ALKBH8: variants seen among roughly 807,000 people sequenced by gnomAD.
ALKBH8 encodes the protein alkB homolog 8, tRNA methyltransferase.
ALKBH8 carries 36 observed loss-of-function variants against 59.8 expected under a neutral mutation model. That is an observed-to-expected ratio of 0.60 (90% confidence interval 0.46 to 0.79). The LOEUF (loss-of-function observed/expected upper bound fraction) is 0.79, where lower values mean the gene tolerates loss of function less well. Among genes scored for constraint, ALKBH8 ranks in the 30% least tolerant of loss-of-function variants. The probability of loss-of-function intolerance (pLI) is 0.00; values close to 1 mark genes in which losing one functional copy is unlikely to be tolerated. For missense variants in ALKBH8, 768 were observed against 801.0 expected, an observed-to-expected ratio of 0.96 and a Z score of 0.50; for synonymous variants, 276 against 273.6, an observed-to-expected ratio of 1.01 and a Z score of -0.09.
intron 7 of ALKBH8, among the ~76,000 whole-genome samples, chr11:107,540,838 T>C (rs766479237): frequency 2.6e-5 from 4 of 152,240 alleles, no homozygotes; most frequent in African/African-American, 4.8e-5. Flanking sequence ...AATTGTATCT[T>C]TGTTTACTTG....
chr11:107,538,029 A>T (rs1189515084), intron 7 of ALKBH8, among the ~76,000 whole-genome samples: 2 of 151,326 alleles, frequency 1.3e-5, no homozygotes, highest in Non-Finnish European at 3.0e-5. Flanking sequence ...GAAGTTCTGA[A>T]TTTTTTTTTA....
intron 9 of ALKBH8, among the ~76,000 whole-genome samples, chr11:107,523,588 T>A (rs921678750): frequency 2.2e-4 from 32 of 144,552 alleles, no homozygotes; most frequent in African/African-American, 7.9e-4. Flanking sequence ...TGAAAATCAC[T>A]ATGAGAATAA....
chr11:107,525,505 TA>T lies in ALKBH8; in HGVS notation c.965del (p.Leu322Ter). 2 of 1,543,052 alleles carry T rather than the reference TA, an allele frequency of 1.3e-6. No homozygotes were observed. The highest frequency in any genetic ancestry group is 1.7e-6 in the Non-Finnish European group (2 of 1,143,318). On this transcript the variant is annotated frameshift_variant, in exon 9 of 12. Transcript: ENST00000428149. LOFTEE classifies it high-confidence loss of function. ...ATGATGTTCGTAGTCCCCTCTTGCT[TA>T]AAGTTAAGTCTCCAACATCACTGGT... ...IITSDVGDLT[L>X]SKRGLRTSFT...
intron 10 of ALKBH8, among the ~76,000 whole-genome samples, chr11:107,515,872 T>A (rs1322691529): frequency 2.6e-5 from 4 of 152,166 alleles, no homozygotes; most frequent in African/African-American, 9.7e-5. Flanking sequence ...AAAATACAAA[T>A]TGGCTCAACC....
chr11:107,548,442 A>T (rs1184902879), intron 7 of ALKBH8, among the ~76,000 whole-genome samples: 1 of 152,250 alleles, frequency 6.6e-6, no homozygotes, highest in Non-Finnish European at 1.5e-5. Context: ...TTGGTTACAC[A>T]GTTGGGAGGA....
At chr11:107,516,110 A>G (rs1031356796) in intron 10 of ALKBH8, among the ~76,000 whole-genome samples, 6 of 152,212 alleles carry the variant, frequency 3.9e-5, no homozygotes, top group African/African-American at 1.4e-4. Flanking sequence ...GTTAGGTACT[A>G]TTTTCACCAC....
At chr11:107,525,387 A>G in intron 9 of ALKBH8, 54 bp downstream of exon 9, 1 of 1,466,870 alleles carries the variant, frequency 6.8e-7, no homozygotes, top group South Asian at 1.4e-5. Context: ...ACCTTAAAGG[A>G]CTTTTATATT....
chr11:107,544,096 T>C (rs1864155322), intron 7 of ALKBH8, among the ~76,000 whole-genome samples: 1 of 152,252 alleles, frequency 6.6e-6, no homozygotes, highest in African/African-American at 2.4e-5. Flanking sequence ...ACTGTAGTTT[T>C]CTGAACTCTA....
At chr11:107,531,908 T>C (rs752514859) in intron 8 of ALKBH8, among the ~76,000 whole-genome samples, 1 of 152,182 alleles carries the variant, frequency 6.6e-6, no homozygotes, top group Non-Finnish European at 1.5e-5. Flanking sequence ...ATCCCTGACA[T>C]ACACAATGTC....
chr11:107,555,143 T>C (rs1386797096), intron 3 of ALKBH8, among the ~76,000 whole-genome samples: 2 of 151,872 alleles, frequency 1.3e-5, no homozygotes, highest in African/African-American at 4.8e-5. Context: ...ACCTGTAGTC[T>C]CAGCTTCTCG....
intron 7 of ALKBH8, among the ~76,000 whole-genome samples, chr11:107,535,004 T>C (rs923321584): frequency 3.3e-5 from 5 of 152,210 alleles, no homozygotes; most frequent in African/African-American, 9.7e-5. Context: ...GAACATACAA[T>C]GTTTGGTTTT....
At chr11:107,546,837 A>T (rs1395915499) in intron 7 of ALKBH8, among the ~76,000 whole-genome samples, 1 of 152,216 alleles carries the variant, frequency 6.6e-6, no homozygotes, top group Non-Finnish European at 1.5e-5. Context: ...TAAAATGTAC[A>T]CTATTTTTAG....
In ALKBH8 at chr11:107,556,947, G is replaced by A. The variant is rs758262169; in HGVS notation, c.186C>T (p.Leu62=). The A allele has an allele frequency of 9.4e-5, 152 of 1,610,734 alleles. No homozygotes were observed. In the Middle Eastern group the frequency reaches 1.3e-3, roughly 14 times the overall value. ...LGNGVSRNQL[L]PVLEKCGLVD... is the part of the protein sequence containing the mutation. Reference sequence around the variant, plus strand: ...CCAGTCCACATTTCTCTAAAACCGGGAGCAGCTGGTTCCGACTCACACCAT... The same window carrying A: ...CCAGTCCACATTTCTCTAAAACCGGAAGCAGCTGGTTCCGACTCACACCAT... The change falls in exon 3 of 12, where the codon CTC becomes CTT. Residue 62 remains leucine, a synonymous_variant. Coordinates refer to ENST00000428149, the MANE Select transcript of ALKBH8 (RefSeq NM_138775.3).
chr11:107,558,818 AT>A (rs928850244), intron 2 of ALKBH8, among the ~76,000 whole-genome samples: 2 of 152,108 alleles, frequency 1.3e-5, no homozygotes, highest in Admixed American at 6.6e-5. Context: ...GAGAATGTGA[AT>A]TTTTTTTAAG....
Position 107,551,801 on chromosome 11 carries a change from T to C in ALKBH8, c.700+7A>G, listed in dbSNP as rs756412100. On this transcript the variant is annotated splice_region_variant and intron_variant, in intron 6 of 11. Coordinates refer to ENST00000428149, the MANE Select transcript of ALKBH8 (RefSeq NM_138775.3). ...GTGACTAAAATTTTTGAACAAGAAATACTCACCTTGCCCAGGTTCATACTG... is the reference window on the plus strand; with the variant it reads ...GTGACTAAAATTTTTGAACAAGAAACACTCACCTTGCCCAGGTTCATACTG... 5.2e-6 allele frequency: 8 copies of C among 1,526,240 alleles called. No individual in the cohort carries two copies. The East Asian group carries it at 2.1e-4, about 40-fold the overall frequency. 94.5% of individuals were successfully genotyped at this position (1,526,240 alleles called of 1,614,324 possible).
At chr11:107,547,228 G>A (rs963062416) in intron 7 of ALKBH8, among the ~76,000 whole-genome samples, 1 of 152,158 alleles carries the variant, frequency 6.6e-6, no homozygotes, top group South Asian at 2.1e-4. Context: ...AAAGAAATAG[G>A]GCCAAAGGTA....
intron 7 of ALKBH8, among the ~76,000 whole-genome samples, chr11:107,539,006 C>A (rs994338654): frequency 6.6e-6 from 1 of 152,220 alleles, no homozygotes; most frequent in Non-Finnish European, 1.5e-5. Flanking sequence ...CTGTTTCCCA[C>A]AGTCTACCAA....
intron 11 of ALKBH8, among the ~76,000 whole-genome samples, chr11:107,509,163 C>T (rs923112904): frequency 6.6e-6 from 1 of 152,158 alleles, no homozygotes; most frequent in Admixed American, 6.5e-5. Flanking sequence ...CACATCCTTG[C>T]CAACACTTGT....
chr11:107,552,297 A>C (rs1360772045), intron 5 of ALKBH8, among the ~76,000 whole-genome samples: 1 of 152,014 alleles, frequency 6.6e-6, no homozygotes, highest in East Asian at 1.9e-4. Flanking sequence ...ACATCTTCCA[A>C]AGTGGAACTA....
Sources: allele counts gnomAD v4.1 joint callset (sites outside exome capture counted in the v4.1 genomes callset), GRCh38; gene constraint gnomAD v4.1.1; transcripts MANE v1.5; gene names NCBI Gene and HGNC (gene_info 2026-07-23, HGNC 2026-07-21).